The following TLN2 variants were observed in gnomAD, a reference collection of about 807,000 sequenced individuals.
The protein encoded by TLN2 is talin-2.
In TLN2, 118 loss-of-function variants were observed where a neutral mutation model predicts 294.7. The observed-to-expected ratio is 0.40, with a 90% confidence interval of 0.34 to 0.47. The LOEUF is 0.47. Among genes scored for constraint, TLN2 ranks in the 20% least tolerant of loss-of-function variants. The pLI is 0.84. For synonymous variants in TLN2, 1,431 were observed against 1,304.5 expected, an observed-to-expected ratio of 1.10 and a Z score of -2.09; for missense variants, 3,083 against 3,282.2, an observed-to-expected ratio of 0.94 and a Z score of 1.48.
At chr15:62,395,394 C>T (rs1345313758) in intron 1 of TLN2, among the ~76,000 whole-genome samples, 3 of 152,078 alleles carry the variant, frequency 2.0e-5, no homozygotes, top group Non-Finnish European at 4.4e-5. Context: ...AATTTAAAAA[C>T]AGATATTATT....
At chr15:62,579,012 T>G (rs2044683455) in intron 1 of TLN2, among the ~76,000 whole-genome samples, 1 of 152,092 alleles carries the variant, frequency 6.6e-6, no homozygotes, top group African/African-American at 2.4e-5. Flanking sequence ...CATGAAAATT[T>G]AGAGAAATGC....
intron 1 of TLN2, among the ~76,000 whole-genome samples, chr15:62,406,085 T>C (rs1446108510): frequency 6.6e-6 from 1 of 152,176 alleles, no homozygotes; most frequent in African/African-American, 2.4e-5. Flanking sequence ...GGCATTTTTC[T>C]CTTGAATTGG....
chr15:62,524,313 G>A (rs1029739109), intron 1 of TLN2, among the ~76,000 whole-genome samples: 1 of 152,068 alleles, frequency 6.6e-6, no homozygotes, highest in South Asian at 2.1e-4. Context: ...CTTTGTCAAT[G>A]GCAGATTTTA....
In TLN2 at chr15:62,711,784, G is replaced by C. The variant is rs542644319; in HGVS notation, c.2468-127G>C. On this transcript the variant is annotated intron_variant, in intron 21 of 58. Transcript: ENST00000636159. ...TTTGGATGCATGGCTTAGGACTAGA[G>C]CATGGAGGTTCAGTTTTTTTGCTCC... 3 of 1,037,550 alleles carry C rather than the reference G, an allele frequency of 2.9e-6. No individual in the cohort carries two copies. In the East Asian group the frequency reaches 7.7e-5, roughly 27 times the overall value. 64.3% of individuals were successfully genotyped at this position (1,037,550 alleles called of 1,614,324 possible). A position where few individuals can be genotyped will look rare whatever the true frequency, so the allele number is the denominator to read the frequency against.
In TLN2 at chr15:62,686,765, G is replaced by A. The variant is rs1406192384; in HGVS notation, c.1082G>A (p.Arg361His). 3.1e-6 allele frequency: 5 copies of A among 1,613,480 alleles called. No individual in the cohort carries two copies. Among genetic ancestry groups the A allele is most frequent in the Non-Finnish European group, 4.2e-6 (5 of 1,179,894 alleles). ...LQEWPLTTVK[R>H]WAASPKSFTL... is the part of the protein sequence containing the mutation. Reference sequence around the variant, plus strand: ...GAGTGGCCCCTCACCACCGTCAAGCGCTGGGCAGCCTCACCCAAGAGCTTC... The same window carrying A: ...GAGTGGCCCCTCACCACCGTCAAGCACTGGGCAGCCTCACCCAAGAGCTTC... The change falls in exon 12 of 59, where the codon CGC becomes CAC. Residue 361 changes from arginine to histidine, a missense_variant. Arg to His is a conservative substitution (Grantham distance 29). Transcript: ENST00000636159.
chr15:62,418,684 T>C (rs1056732398), intron 1 of TLN2, among the ~76,000 whole-genome samples: 14 of 152,206 alleles, frequency 9.2e-5, no homozygotes, highest in African/African-American at 2.9e-4. Flanking sequence ...TTAGTTCTTA[T>C]AGGTTTTGAG....
At chr15:62,702,927 G>A (rs748350024) in intron 19 of TLN2, 63 bp downstream of exon 19, 16 of 1,441,984 alleles carry the variant, frequency 1.1e-5, no homozygotes, top group Non-Finnish European at 1.5e-5. Context: ...GACCCGAGCA[G>A]GCAGAATGTA....
intron 51 of TLN2, among the ~76,000 whole-genome samples, chr15:62,808,062 C>G (rs1480972771): frequency 6.6e-6 from 1 of 152,098 alleles, no homozygotes; most frequent in Non-Finnish European, 1.5e-5. Flanking sequence ...TAGTCCAGCT[C>G]TGCCTTTTCC....
At chr15:62,675,381 AGCGTTT>A (rs2056062095) in intron 11 of TLN2, 60 bp downstream of exon 11, 5 of 1,565,248 alleles carry the variant, frequency 3.2e-6, no homozygotes, top group Non-Finnish European at 3.5e-6. Context: ...CTTTTGTTCA[AGCGTTT>A]GCTGTTAAGC....
At chr15:62,634,369 T>C (rs2050191158) in intron 3 of TLN2, among the ~76,000 whole-genome samples, 2 of 152,354 alleles carry the variant, frequency 1.3e-5, no homozygotes, top group East Asian at 1.9e-4. Flanking sequence ...TCTTCTGTTA[T>C]TTTTCCAGCT....
chr15:62,556,067 G>A (rs1277192343), intron 1 of TLN2, among the ~76,000 whole-genome samples: 1 of 150,246 alleles, frequency 6.7e-6, no homozygotes, highest in Non-Finnish European at 1.5e-5. Context: ...AAGAATTGTT[G>A]TCTTACAATA....
At chr15:62,602,504 T>A (rs1200614700) in intron 2 of TLN2, among the ~76,000 whole-genome samples, 1 of 152,250 alleles carries the variant, frequency 6.6e-6, no homozygotes, top group Admixed American at 6.5e-5. Context: ...TATGAAATCT[T>A]ACTCTGTAGT....
At chr15:62,731,283 T>A in intron 28 of TLN2, among the ~76,000 whole-genome samples, 1 of 143,618 alleles carries the variant, frequency 7.0e-6, no homozygotes, top group East Asian at 2.1e-4. Context: ...TTGTCAGGGA[T>A]TTTTTTTTTT....
At chr15:62,802,241 A>C (rs2065977212) in intron 50 of TLN2, among the ~76,000 whole-genome samples, 1 of 152,010 alleles carries the variant, frequency 6.6e-6, no homozygotes. Context: ...TGCCTGGCTT[A>C]TTTCACTTAA....
chr15:62,627,112 C>T lies in TLN2; in HGVS notation c.-37+8637C>T, dbSNP rs978948365. On this transcript the variant is annotated intron_variant, in intron 3 of 58. Transcript: ENST00000636159. ...GCTTTTTGCTTGCTTGTGCTGGCCA[C>T]GCCTTTATTACACATGCCTTTTAAA... 5.9e-5 allele frequency among the ~76,000 whole-genome samples: 9 copies of T among 152,200 alleles called. 1 individual carries two copies. The highest frequency in any genetic ancestry group is 4.1e-4 in the South Asian group (2 of 4,832).
chr15:62,637,135 T>C (rs1055603301), intron 3 of TLN2: 1 of 152,224 alleles, frequency 6.6e-6, no homozygotes, highest in Non-Finnish European at 1.5e-5. Flanking sequence ...GGATGAGTTA[T>C]TCCCTGATAT....
At chr15:62,769,004 T>G (rs2141042311) in intron 41 of TLN2, among the ~76,000 whole-genome samples, 1 of 152,364 alleles carries the variant, frequency 6.6e-6, no homozygotes, top group East Asian at 1.9e-4. Flanking sequence ...CCAGTGATTC[T>G]GAAGCCAGAG....
rs767686811 is a variant in TLN2 at position 62,702,801 on chromosome 15, C to T, written c.1941C>T (p.Ile647=). The T allele has an allele frequency of 9.9e-6, 16 of 1,614,028 alleles. No individual in the cohort carries two copies. The highest frequency in any genetic ancestry group is 1.7e-5 in the Admixed American group (1 of 60,010). ...RQTVLTAAGS[I]GQASGDLLRQ... ...CAGTTTTGACTGCTGCTGGCAGCAT[C>T]GGACAAGCCAGTGGGGATCTTCTGA... The change falls in exon 19 of 59, where the codon ATC becomes ATT. Residue 647 remains isoleucine, a synonymous_variant. Transcript: ENST00000636159.
In TLN2 at chr15:62,531,751, T is replaced by C. The variant is rs556984572; in HGVS notation, c.-237-57936T>C. ...TCTTGTCTTATGTGGCTTCTAGTTT[T>C]TGTATTATACGTGGGCCTTCCCCAC... is the stretch of plus-strand genomic sequence containing the variant. On this transcript the variant is annotated intron_variant, in intron 1 of 58. Coordinates refer to ENST00000636159, the MANE Select transcript of TLN2 (RefSeq NM_015059.3). 9.2e-5 allele frequency among the ~76,000 whole-genome samples: 14 copies of C among 152,372 alleles called. No individual in the cohort carries two copies. The South Asian group carries it at 2.9e-3, about 32-fold the overall frequency.
Sources: gnomAD v4.1 joint callset for allele counts (sites outside exome capture counted in the v4.1 genomes callset) on GRCh38, gnomAD v4.1.1 for gene constraint, MANE v1.5 for transcripts, NCBI Gene and HGNC (gene_info 2026-07-23, HGNC 2026-07-21) for gene names.